ST3GAL3: variants seen among roughly 807,000 people sequenced by gnomAD.
ST3GAL3 encodes the protein ST3 beta-galactoside alpha-2,3-sialyltransferase 3.
ST3GAL3 carries 21 observed loss-of-function variants against 50.1 expected under a neutral mutation model. That is an observed-to-expected ratio of 0.42 (90% CI 0.30 to 0.60). ST3GAL3 has a LOEUF of 0.60. ST3GAL3 is among the 20% of genes least tolerant of loss of function. The pLI is 0.19. For synonymous variants in ST3GAL3, 183 were observed against 190.0 expected (o/e 0.96, Z 0.30); for missense variants, 353 against 489.4 (o/e 0.72, Z 2.63).
intron 11 of ST3GAL3, among the ~76,000 whole-genome samples, chr1:43,926,635 G>T (rs2084009404): frequency 6.6e-6 from 1 of 151,728 alleles, no homozygotes; most frequent in Admixed American, 6.6e-5. Flanking sequence ...TGAGAGTGTG[G>T]ACTGTGACAT....
chr1:43,760,115 G>T (rs1383739627), intron 2 of ST3GAL3, among the ~76,000 whole-genome samples: 2 of 152,190 alleles, frequency 1.3e-5, no homozygotes, highest in Non-Finnish European at 2.9e-5. Context: ...TGAAAGAAAT[G>T]ATAGACAAAG....
chr1:43,858,446 G>A, intron 5 of ST3GAL3: 1 of 703,180 alleles, frequency 1.4e-6, no homozygotes, highest in Non-Finnish European at 2.0e-6. Context: ...AGGCAGGCTG[G>A]CTGCATTCCT....
At chr1:43,794,970 G>T (rs781392991) in intron 3 of ST3GAL3, among the ~76,000 whole-genome samples, 1 of 152,128 alleles carries the variant, frequency 6.6e-6, no homozygotes, top group African/African-American at 2.4e-5. Context: ...AAGGGGGTAT[G>T]TTGAGGGATG....
At chr1:43,812,382 AG>A (rs2060663978) in intron 3 of ST3GAL3, among the ~76,000 whole-genome samples, 1 of 152,184 alleles carries the variant, frequency 6.6e-6, no homozygotes, top group South Asian at 2.1e-4. Flanking sequence ...CTGACGCTAG[AG>A]CCAAGGGCGA....
At chr1:43,829,995 C>CTTTTTTTTT (rs71579312) in intron 4 of ST3GAL3, among the ~76,000 whole-genome samples, 3 of 70,110 alleles carry the variant, frequency 4.3e-5, no homozygotes, top group African/African-American at 5.0e-5. Context: ...ATAAAAATTC[C>CTTTTTTTTT]TTTTTTTTTT....
intron 6 of ST3GAL3, among the ~76,000 whole-genome samples, chr1:43,895,454 C>T (rs1335342500): frequency 1.3e-5 from 2 of 152,206 alleles, no homozygotes; most frequent in African/African-American, 4.8e-5. Flanking sequence ...ACAGAGGGAT[C>T]AGATCCCCAT....
intron 2 of ST3GAL3, among the ~76,000 whole-genome samples, chr1:43,779,106 T>C (rs1215817147): frequency 6.6e-6 from 1 of 151,874 alleles, no homozygotes; most frequent in African/African-American, 2.4e-5. Context: ...CAGGCCCAGC[T>C]AATTTTTGTA....
At chr1:43,854,327 T>G (rs992359219) in intron 5 of ST3GAL3, among the ~76,000 whole-genome samples, 1 of 152,198 alleles carries the variant, frequency 6.6e-6, no homozygotes. Context: ...CAAAAAGCAC[T>G]GACAAATCCG....
At chr1:43,903,318 A>G (rs567374816) in intron 9 of ST3GAL3, among the ~76,000 whole-genome samples, 25 of 152,264 alleles carry the variant, frequency 1.6e-4, no homozygotes, top group African/African-American at 5.8e-4. Flanking sequence ...AGGACATGTG[A>G]GAGGCAGAGC....
chr1:43,873,453 T>C (rs2073427745), intron 5 of ST3GAL3, among the ~76,000 whole-genome samples: 1 of 152,170 alleles, frequency 6.6e-6, no homozygotes, highest in South Asian at 2.1e-4. Flanking sequence ...ATGCAGAGTT[T>C]GAGATGCCTC....
chr1:43,717,673 TC>T (rs1434516056), intron 1 of ST3GAL3, among the ~76,000 whole-genome samples: 1 of 151,672 alleles, frequency 6.6e-6, no homozygotes, highest in Non-Finnish European at 1.5e-5. Context: ...AATTTTTTTT[TC>T]TTTTGTATTT....
chr1:43,803,373 CAAAA>C (rs139652535), intron 3 of ST3GAL3, among the ~76,000 whole-genome samples: 1 of 134,514 alleles, frequency 7.4e-6, no homozygotes, highest in Admixed American at 7.5e-5. Context: ...GATCCCACCT[CAAAA>C]AAAAAAAAAA....
At chr1:43,926,561 C>CAGTG (rs2083987974) in intron 11 of ST3GAL3, among the ~76,000 whole-genome samples, 1 of 151,958 alleles carries the variant, frequency 6.6e-6, no homozygotes, top group Non-Finnish European at 1.5e-5. Context: ...GCCGAGATTG[C>CAGTG]ACCATTGCAC....
intron 1 of ST3GAL3, among the ~76,000 whole-genome samples, chr1:43,726,661 C>T (rs950921171): frequency 1.3e-5 from 2 of 152,190 alleles, no homozygotes; most frequent in Admixed American, 6.5e-5. Context: ...GTGGCACGAT[C>T]TTGGCTCACT....
chr1:43,801,041 G>T (rs1333669018), intron 3 of ST3GAL3, among the ~76,000 whole-genome samples: 1 of 152,166 alleles, frequency 6.6e-6, no homozygotes, highest in African/African-American at 2.4e-5. Context: ...AGAAGATCTG[G>T]CAGCAGAGCT....
chr1:43,920,298 C>T lies in ST3GAL3; in HGVS notation c.745-106C>T, dbSNP rs117948756. 53 of 1,432,850 alleles carry T rather than the reference C, an allele frequency of 3.7e-5. No homozygotes were observed. The South Asian group carries it at 4.4e-4, about 12-fold the overall frequency. The allele number at this position is 1,432,850 out of a possible 1,614,324, so 88.8% of individuals were successfully genotyped here. ...CACAGGCCCTGGGTTCCCCATTAAA[C>T]GCCTCATGCTCCCGCCTCACTGTCC... is the stretch of plus-strand genomic sequence containing the variant. On this transcript the variant is annotated intron_variant, in intron 9 of 11. Coordinates refer to ENST00000347631, the MANE Select transcript of ST3GAL3 (RefSeq NM_006279.5).
chr1:43,811,820 G>T (rs1256167266), intron 3 of ST3GAL3, among the ~76,000 whole-genome samples: 1 of 151,982 alleles, frequency 6.6e-6, no homozygotes, highest in African/African-American at 2.4e-5. Context: ...ATCCTGCCCT[G>T]TTCATAACAC....
At chr1:43,713,756 G>A (rs186681828) in intron 1 of ST3GAL3, among the ~76,000 whole-genome samples, 21 of 152,124 alleles carry the variant, frequency 1.4e-4, no homozygotes, top group African/African-American at 5.1e-4. Flanking sequence ...CGCTGGTCTC[G>A]AGCTCTTGGG....
chr1:43,746,929 A>AT (rs1020513202), intron 2 of ST3GAL3, among the ~76,000 whole-genome samples: 2 of 147,722 alleles, frequency 1.4e-5, no homozygotes, highest in Non-Finnish European at 3.0e-5. Context: ...TGCCTGACTA[A>AT]TTTTTTTTGG....
Sources: gnomAD v4.1 joint callset for allele counts (sites outside exome capture counted in the v4.1 genomes callset) on GRCh38, gnomAD v4.1.1 for gene constraint, MANE v1.5 for transcripts, NCBI Gene and HGNC (gene_info 2026-07-23, HGNC 2026-07-21) for gene names.